Variants in MAP3K12 observed in about 807,000 individuals in gnomAD.
MAP3K12 encodes MAPK-upstream kinase.
Under a neutral mutation model 87.5 loss-of-function variants are expected in MAP3K12, and 14 were observed. The observed-to-expected ratio is 0.16, with a 90% CI of 0.11 to 0.25. MAP3K12 has a LOEUF of 0.25. Ranked by LOEUF, MAP3K12 falls within the 10% of genes least tolerant of loss-of-function variation. The probability of loss-of-function intolerance (pLI) is 1.00; values close to 1 mark genes in which losing one functional copy is unlikely to be tolerated. For synonymous variants in MAP3K12, 469 were observed against 452.5 expected (o/e 1.04, Z -0.46); for missense variants, 802 against 1,140.4 (o/e 0.70, Z 4.27).
chr12:53,498,976 GT>G (rs1943609799), intron 1 of MAP3K12, among the ~76,000 whole-genome samples: 1 of 35,182 alleles, frequency 2.8e-5, no homozygotes, highest in African/African-American at 9.2e-5. Context: ...GTGTGTGTGT[GT>G]GTGTGTGTGT....
chr12:53,483,314 C>T lies in MAP3K12; in HGVS notation c.1613+35G>A, dbSNP rs762867586. 6.8e-6 allele frequency: 11 copies of T among 1,607,344 alleles called. No individual in the cohort carries two copies. The Admixed American group carries it at 1.5e-4, about 22-fold the overall frequency. On this transcript the variant is annotated intron_variant, in intron 10 of 13. Transcript: ENST00000547488. The stretch of plus-strand genomic sequence containing the variant: ...TACCTGTTGCCACTTCAGTATCCCT[C>T]TTGCCATATTGGAACCACAGTACTC...
Position 53,481,123 on chromosome 12 carries a change from ATG to A in MAP3K12, c.*57_*58del, listed in dbSNP as rs915568440. 2.0e-5 allele frequency: 12 copies of A among 610,176 alleles called. No individual in the cohort carries two copies. The South Asian group carries it at 2.8e-4, about 14-fold the overall frequency. 37.8% of individuals were successfully genotyped at this position (610,176 alleles called of 1,614,324 possible). ...TTATGTGGCGCATATATATATATAT[ATG>A]TATATATATATAATTTATATAAATA... On this transcript the variant is annotated 3_prime_UTR_variant, in exon 14 of 14. Coordinates refer to ENST00000547488, the MANE Select transcript of MAP3K12 (RefSeq NM_001193511.2).
In MAP3K12 at chr12:53,482,843, G is replaced by A. The variant is rs769371494; in HGVS notation, c.1960C>T (p.Arg654Trp). 1.4e-5 allele frequency: 22 copies of A among 1,611,462 alleles called. No individual in the cohort carries two copies. The highest frequency in any genetic ancestry group is 3.3e-5 in the South Asian group (3 of 90,918). The change falls in exon 11 of 14, where the codon CGG becomes TGG. Residue 654 changes from arginine (R) to tryptophan (W), a missense_variant. Arg to Trp is a moderately radical substitution (Grantham distance 101, BLOSUM62 -3). Coordinates refer to ENST00000547488, the MANE Select transcript of MAP3K12 (RefSeq NM_001193511.2). ...GCTCCGCCTGTGGCCCCCCGGCCCC[G>A]GGACCCTAGTGCTGCTGACAGCAGG... is the stretch of plus-strand genomic sequence containing the variant. ...PDLLSAALGS[R>W]GRGATGGAGD...
intron 11 of MAP3K12, 42 bp from the exon 12 acceptor site, chr12:53,482,411 AAAGAGGTCACT>A: frequency 6.2e-7 from 1 of 1,610,972 alleles, no homozygotes; most frequent in Admixed American, 1.7e-5. Context: ...TTAGAAGTGG[AAAGAGGTCACT>A]AAGAATCCAG....
rs1943126787 is a variant in MAP3K12 at position 53,483,206 on chromosome 12, A to G, written c.1614-17T>C. The stretch of plus-strand genomic sequence containing the variant: ...ATATCTGGCCTGGAAGAAGAGGAAA[A>G]GTAAAAGGTTAAGACTGCCAAATCT... On this transcript the variant is annotated splice_polypyrimidine_tract_variant and intron_variant, in intron 10 of 13. Transcript: ENST00000547488. 2.0e-6 allele frequency: 3 copies of G among 1,525,586 alleles called. No homozygotes were observed. The highest frequency in any genetic ancestry group is 2.3e-5 in the East Asian group (1 of 44,196). 94.5% of individuals were successfully genotyped at this position (1,525,586 alleles called of 1,614,324 possible).
chr12:53,486,331 C>T lies in MAP3K12; in HGVS notation c.630-84G>A. The T allele has an allele frequency of 6.4e-7, 1 of 1,555,072 alleles. No homozygotes were observed. The highest frequency in any genetic ancestry group is 1.2e-5 in the South Asian group (1 of 81,824). On this transcript the variant is annotated intron_variant, in intron 3 of 13. Transcript: ENST00000547488. The surrounding 1 kb of genome is among the most constrained non-coding windows in gnomAD (Gnocchi z 4.9). ...CCTGGAACCCCCATTCCCACCCATT[C>T]CACCTATGGATCTCCTCTGGGGAAG...
At chr12:53,491,045 T>C (rs1482171686) in intron 1 of MAP3K12, among the ~76,000 whole-genome samples, 1 of 151,770 alleles carries the variant, frequency 6.6e-6, no homozygotes, top group Non-Finnish European at 1.5e-5. Context: ...TCTAGCACTT[T>C]CGGAGGCTGA....
chr12:53,490,562 G>A (rs145133649), intron 1 of MAP3K12, among the ~76,000 whole-genome samples: 1 of 152,006 alleles, frequency 6.6e-6, no homozygotes, highest in Non-Finnish European at 1.5e-5. Context: ...TGGCTAACAC[G>A]GTGAAACCCT....
chr12:53,494,237 G>A (rs550839990), intron 1 of MAP3K12, among the ~76,000 whole-genome samples: 196 of 152,342 alleles, frequency 1.3e-3, no homozygotes, highest in Admixed American at 1.4e-3. Context: ...TGCAGAGCAT[G>A]GGGGAAGGGC....
chr12:53,491,543 C>G (rs1460636523), intron 1 of MAP3K12, among the ~76,000 whole-genome samples: 1 of 149,934 alleles, frequency 6.7e-6, no homozygotes, highest in East Asian at 2.1e-4. Flanking sequence ...ACACCATTCT[C>G]CTGCCTCGGC....
At position 53,495,541 on chromosome 12, in the gene MAP3K12, CAAAAAAAAA is replaced by C. The variant is rs57850924; in HGVS notation, c.-38+3877_-38+3885del. Among the ~76,000 whole-genome samples, 96 of 48,064 alleles carry C rather than the reference CAAAAAAAAA, an allele frequency of 2.0e-3. 2 individuals are homozygous for C. The highest frequency in any genetic ancestry group is 7.2e-3 in the African/African-American group (88 of 12,180). The allele number at this position is 48,064 out of a possible 152,430, so 31.5% of individuals were successfully genotyped here. On this transcript the variant is annotated intron_variant, in intron 1 of 13. Coordinates refer to ENST00000547488, the MANE Select transcript of MAP3K12 (RefSeq NM_001193511.2). The stretch of plus-strand genomic sequence containing the variant: ...TGGGCAACAGAGCGAGACTCCATCT[CAAAAAAAAA>C]AAAAAAAAAAAAAAAAAATTGTAGA...
chr12:53,482,537 A>G lies in MAP3K12; in HGVS notation c.2238+28T>C, dbSNP rs372436293. 8 of 1,594,412 alleles carry G rather than the reference A, an allele frequency of 5.0e-6. No individual in the cohort carries two copies. The African/African-American group carries it at 1.1e-4, about 21-fold the overall frequency. ...CCAGGGAGGATAAGGAAAAAGGGAA[A>G]GAGCTTGGGAGCCTTCCCATACTTT... On this transcript the variant is annotated intron_variant, in intron 11 of 13. Coordinates refer to ENST00000547488, the MANE Select transcript of MAP3K12 (RefSeq NM_001193511.2).
rs1287583450 is a variant in MAP3K12 at position 53,483,159 on chromosome 12, G to A, written c.1644C>T (p.Leu548=). The part of the protein sequence containing the change: ...RPDILKTESL[L]PKLDAALSGV... The stretch of plus-strand genomic sequence containing the variant: ...CACTCAGGGCTGCATCTAGTTTAGG[G>A]AGCAAAGACTCCGTCTTGAGGATAT... Residue 548 remains leucine (L), a synonymous_variant, in exon 11 of 14, where the codon CTC becomes CTT. Coordinates refer to ENST00000547488, the MANE Select transcript of MAP3K12 (RefSeq NM_001193511.2). 12 of 1,521,678 alleles carry A rather than the reference G, an allele frequency of 7.9e-6. No individual in the cohort carries two copies. The highest frequency in any genetic ancestry group is 1.1e-5 in the Non-Finnish European group (12 of 1,137,122). 94.3% of individuals were successfully genotyped at this position (1,521,678 alleles called of 1,614,324 possible).
chr12:53,490,595 T>A (rs893880470), intron 1 of MAP3K12, among the ~76,000 whole-genome samples: 5 of 151,474 alleles, frequency 3.3e-5, no homozygotes, highest in Non-Finnish European at 7.4e-5. Context: ...ATACAAAAAA[T>A]TAGCCGTGTG....
rs954890794 is a variant in MAP3K12, at chr12:53,483,453, G to A, written c.1509C>T (p.Gly503=). Residue 503 remains glycine (G), a synonymous_variant, in exon 10 of 14, where the codon GGC becomes GGT. Coordinates refer to ENST00000547488, the MANE Select transcript of MAP3K12 (RefSeq NM_001193511.2). ...CCCGGGAAGGGTGTGGCTTCAGCAG[G>A]CCTGGGCACCTCCGCTCTAAAGCTT... ...REQALERRCP[G]LLKPHPSRGL... 6.2e-7 allele frequency: 1 copy of A among 1,614,118 alleles called. No individual in the cohort carries two copies. The highest frequency in any genetic ancestry group is 8.5e-7 in the Non-Finnish European group (1 of 1,180,018).
rs935897914 is a variant in MAP3K12 at position 53,490,430 on chromosome 12, A to C, written c.-37-3002T>G. ...CAAGACCAGTCTGGGCAACATGGTG[A>C]AAAGCCATCTCTACAAAAATATAAA... On this transcript the variant is annotated intron_variant, in intron 1 of 13. Coordinates refer to ENST00000547488, the MANE Select transcript of MAP3K12 (RefSeq NM_001193511.2). 2.0e-5 allele frequency among the ~76,000 whole-genome samples: 3 copies of C among 152,036 alleles called. No homozygotes were observed. In the East Asian group the frequency reaches 5.8e-4, roughly 29 times the overall value.
intron 1 of MAP3K12, among the ~76,000 whole-genome samples, chr12:53,490,484 G>T (rs192870556): frequency 2.4e-3 from 361 of 152,236 alleles, no homozygotes; most frequent in African/African-American, 8.2e-3. Context: ...AGTGGCTCAT[G>T]CCTGTAATCC....
intron 1 of MAP3K12, among the ~76,000 whole-genome samples, chr12:53,497,043 T>A (rs1592724972): frequency 6.6e-6 from 1 of 152,242 alleles, no homozygotes; most frequent in Admixed American, 6.5e-5. Context: ...ACACAGGTTC[T>A]GGGTTACACA....
Position 53,481,167 on chromosome 12 carries a change from G to GA in MAP3K12, c.*14dup. 4 of 1,419,384 alleles carry GA rather than the reference G, an allele frequency of 2.8e-6. No homozygotes were observed. The allele number at this position is 1,419,384 out of a possible 1,614,324, so 87.9% of individuals were successfully genotyped here. A position where few individuals can be genotyped will look rare whatever the true frequency, so the allele number is the denominator to read the frequency against. ...ATATAAATATTTCTCTATGTACAAGGAATACGAGTGGCTTTCATGGAGGGA... is the reference window on the plus strand; with the variant it reads ...ATATAAATATTTCTCTATGTACAAGGAAATACGAGTGGCTTTCATGGAGGGA... On this transcript the variant is annotated 3_prime_UTR_variant, in exon 14 of 14. Transcript: ENST00000547488.
Sources: gnomAD v4.1 joint callset for allele counts (sites outside exome capture counted in the v4.1 genomes callset) on GRCh38, gnomAD v4.1.1 for gene constraint, Gnocchi (gnomAD v3.1) non-coding constraint, MANE v1.5 for transcripts, NCBI Gene and HGNC (gene_info 2026-07-23, HGNC 2026-07-21) for gene names.